The following PCDH15 variants were observed in gnomAD, a reference collection of about 807,000 sequenced individuals.
PCDH15 encodes protocadherin-15.
A neutral mutation model predicts 178.5 loss-of-function variants in PCDH15; 129 were observed. That is an observed-to-expected ratio of 0.72 (90% CI 0.63 to 0.84). The LOEUF (loss-of-function observed/expected upper bound fraction) is 0.84. Ranked by LOEUF, PCDH15 falls within the 40% of genes least tolerant of loss-of-function variation. The probability of loss-of-function intolerance (pLI) is 0.00; values close to 1 mark genes in which losing one functional copy is unlikely to be tolerated. For missense variants in PCDH15, 2,230 were observed against 2,099.9 expected, an observed-to-expected ratio of 1.06 and a Z score of -1.21; for synonymous variants, 800 against 732.0, an observed-to-expected ratio of 1.09 and a Z score of -1.50.
rs191133762 is a variant in PCDH15 at position 55,164,990 on chromosome 10, A to T, written c.-80+1586T>A. On this transcript the variant is annotated intron_variant, in intron 2 of 5. Transcript: ENST00000458638. ...ATAATTATCTATTTATCTATCCGTC[A>T]TCTATCCATTTGTGCATATGAAAAC... Among the ~76,000 whole-genome samples, 133 of 152,236 alleles carry T rather than the reference A, an allele frequency of 8.7e-4. No individual in the cohort carries two copies. The East Asian group carries it at 0.022, about 25-fold the overall frequency.
intron 2 of PCDH15, among the ~76,000 whole-genome samples, chr10:55,483,127 A>G (rs1389245047): frequency 6.6e-6 from 1 of 151,902 alleles, no homozygotes; most frequent in Non-Finnish European, 1.5e-5. Flanking sequence ...CAAAAGAAAA[A>G]TTGACAAATG....
intron 3 of PCDH15, among the ~76,000 whole-genome samples, chr10:54,860,144 T>C (rs746353407): frequency 2.0e-5 from 3 of 152,102 alleles, no homozygotes; most frequent in Non-Finnish European, 4.4e-5. Flanking sequence ...ACTGAGTTTT[T>C]TAAAAATGCA....
intron 2 of PCDH15, among the ~76,000 whole-genome samples, chr10:54,954,320 T>C (rs1287543496): frequency 6.6e-6 from 1 of 151,300 alleles, no homozygotes; most frequent in Non-Finnish European, 1.5e-5. Flanking sequence ...CTGGGCTTTT[T>C]GTAATAAAGT....
chr10:54,298,886 T>C (rs1431413383), intron 8 of PCDH15, among the ~76,000 whole-genome samples: 1 of 152,224 alleles, frequency 6.6e-6, no homozygotes, highest in African/African-American at 2.4e-5. Context: ...TCTGTTGTAA[T>C]TGGAAGACTT....
chr10:54,515,249 AC>A (rs2082091175), intron 3 of PCDH15, among the ~76,000 whole-genome samples: 1 of 152,196 alleles, frequency 6.6e-6, no homozygotes, highest in Non-Finnish European at 1.5e-5. Flanking sequence ...GACAGATGGC[AC>A]CTGGAAAATC....
At chr10:54,795,556 T>C (rs1181249441) in intron 1 of PCDH15, among the ~76,000 whole-genome samples, 2 of 151,932 alleles carry the variant, frequency 1.3e-5, no homozygotes, top group East Asian at 3.9e-4. Flanking sequence ...AGAGCAAATA[T>C]GTATTCTTTC....
chr10:55,233,832 T>C (rs1274441628), intron 1 of PCDH15, among the ~76,000 whole-genome samples: 2 of 152,152 alleles, frequency 1.3e-5, no homozygotes, highest in African/African-American at 2.4e-5. Context: ...CTATAGTGCT[T>C]TGTTTCTCAA....
chr10:54,080,446 T>C (rs1311173606), intron 16 of PCDH15, among the ~76,000 whole-genome samples: 2 of 152,134 alleles, frequency 1.3e-5, no homozygotes, highest in Non-Finnish European at 2.9e-5. Flanking sequence ...CTAACAAGTA[T>C]CCACTGTGTA....
At chr10:53,978,940 G>T (rs2090407911) in intron 21 of PCDH15, among the ~76,000 whole-genome samples, 2 of 152,068 alleles carry the variant, frequency 1.3e-5, no homozygotes. Context: ...TCAGCAGTTT[G>T]TTCAAAGCCA....
chr10:54,747,804 A>T (rs1945654893), intron 1 of PCDH15, among the ~76,000 whole-genome samples: 3 of 130,532 alleles, frequency 2.3e-5, no homozygotes, highest in Non-Finnish European at 3.3e-5. Flanking sequence ...CTCAATGGTT[A>T]CATTTTTTTT....
chr10:54,375,407 A>G (rs904825279), intron 4 of PCDH15, among the ~76,000 whole-genome samples: 1 of 152,132 alleles, frequency 6.6e-6, no homozygotes, highest in East Asian at 1.9e-4. Flanking sequence ...CATATGGTCC[A>G]AGACCAAGTA....
At chr10:53,954,063 T>C (rs1304866229) in intron 23 of PCDH15, among the ~76,000 whole-genome samples, 1 of 152,202 alleles carries the variant, frequency 6.6e-6, no homozygotes, top group Non-Finnish European at 1.5e-5. Flanking sequence ...GTGCTGGGAT[T>C]ACAGGTGTGA....
chr10:54,707,379 C>T (rs2095376134), intron 1 of PCDH15, among the ~76,000 whole-genome samples: 1 of 152,098 alleles, frequency 6.6e-6, no homozygotes, highest in Non-Finnish European at 1.5e-5. Flanking sequence ...CTAAATAAAT[C>T]ATATTTTGAT....
At chr10:55,281,340 G>T (rs188042434) in intron 1 of PCDH15, among the ~76,000 whole-genome samples, 1 of 151,896 alleles carries the variant, frequency 6.6e-6, no homozygotes, top group East Asian at 1.9e-4. Context: ...TTCCAGGGGA[G>T]CTTTAGTAAA....
intron 1 of PCDH15, among the ~76,000 whole-genome samples, chr10:54,739,106 G>A (rs1944465299): frequency 6.6e-6 from 1 of 151,872 alleles, no homozygotes; most frequent in South Asian, 2.1e-4. Flanking sequence ...TGTAAAGGAA[G>A]AAGTCAAATT....
chr10:54,530,497 A>C (rs2083796223), intron 2 of PCDH15, among the ~76,000 whole-genome samples: 1 of 152,184 alleles, frequency 6.6e-6, no homozygotes, highest in African/African-American at 2.4e-5. Context: ...TCACCTTGGT[A>C]ACCTCAGAAC....
chr10:54,136,963 A>G (rs191126355), intron 14 of PCDH15, among the ~76,000 whole-genome samples: 115 of 152,314 alleles, frequency 7.6e-4, no homozygotes, highest in African/African-American at 2.6e-3. Flanking sequence ...ATGTCCCTAT[A>G]ATGTGTTTAA....
chr10:54,378,715 A>T, intron 4 of PCDH15, 67 bp downstream of exon 4: 10 of 1,507,978 alleles, frequency 6.6e-6, no homozygotes, highest in Non-Finnish European at 9.1e-6. Flanking sequence ...TATCATATAA[A>T]CACACACATA....
At chr10:54,343,801 A>T (rs1030467942) in intron 6 of PCDH15, among the ~76,000 whole-genome samples, 1 of 151,946 alleles carries the variant, frequency 6.6e-6, no homozygotes, top group Admixed American at 6.6e-5. Flanking sequence ...AAAATAATAA[A>T]AAATAAAAAA....
Sources: allele counts gnomAD v4.1 joint callset (sites outside exome capture counted in the v4.1 genomes callset), GRCh38; gene constraint gnomAD v4.1.1; transcripts MANE v1.5; gene names NCBI Gene and HGNC (gene_info 2026-07-23, HGNC 2026-07-21).